Variants in DAG1 observed in about 807,000 individuals in gnomAD.
The protein encoded by DAG1 is dystroglycan 1 (dystrophin-associated glycoprotein 1).
In DAG1, 8 loss-of-function variants were observed where a neutral mutation model predicts 46.1. The observed-to-expected ratio is 0.17, with a 90% CI of 0.10 to 0.31. DAG1 has a LOEUF of 0.31. DAG1 is among the 10% of genes least tolerant of loss of function. The probability of loss-of-function intolerance (pLI) is 1.00; values close to 1 mark genes in which losing one functional copy is unlikely to be tolerated. For missense variants in DAG1, 1,003 were observed against 1,189.9 expected (o/e 0.84, Z 2.31); for synonymous variants, 495 against 481.8 (o/e 1.03, Z -0.36).
rs777833279 is a variant in DAG1, at chr3:49,535,338, C to T, written c.*2139C>T. 11 of 152,688 alleles carry T rather than the reference C, an allele frequency of 7.2e-5. No homozygotes were observed. The highest frequency in any genetic ancestry group is 1.2e-4 in the African/African-American group (5 of 41,462). 9.5% of individuals were successfully genotyped at this position (152,688 alleles called of 1,614,324 possible). A position where few individuals can be genotyped will look rare whatever the true frequency, so the allele number is the denominator to read the frequency against. ...ACCATTGGGCACTGCCATGCAGAGA[C>T]GTGGCTGGCCCAGAATGGCCTGTTG... is the stretch of plus-strand genomic sequence containing the variant. On this transcript the variant is annotated 3_prime_UTR_variant, in exon 3 of 3. Transcript: ENST00000308775.
chr3:49,497,462 A>C (rs994546084), intron 1 of DAG1, among the ~76,000 whole-genome samples: 1 of 151,380 alleles, frequency 6.6e-6, no homozygotes, highest in African/African-American at 2.4e-5. Context: ...AAAAATTAAA[A>C]AATGAGCCAG....
chr3:49,502,764 G>A (rs1472553271), intron 1 of DAG1, among the ~76,000 whole-genome samples: 2 of 150,134 alleles, frequency 1.3e-5, no homozygotes, highest in East Asian at 4.0e-4. Context: ...TCAGCCTCCC[G>A]AGTAGCTGGG....
At chr3:49,525,822 T>G (rs2051156038) in intron 2 of DAG1, among the ~76,000 whole-genome samples, 1 of 151,008 alleles carries the variant, frequency 6.6e-6, no homozygotes, top group South Asian at 2.1e-4. Context: ...CCTCCCAAAG[T>G]GCTGGGATTA....
At chr3:49,514,921 G>C in intron 2 of DAG1, among the ~76,000 whole-genome samples, 1 of 151,412 alleles carries the variant, frequency 6.6e-6, no homozygotes, top group Non-Finnish European at 1.5e-5. Flanking sequence ...ATGCAGTGGC[G>C]TGATCTCAGC....
chr3:49,502,787 C>T (rs761682161), intron 1 of DAG1, among the ~76,000 whole-genome samples: 15 of 151,812 alleles, frequency 9.9e-5, no homozygotes, highest in African/African-American at 2.2e-4. Context: ...TACAGGCGCC[C>T]GCCACCACAC....
At chr3:49,527,411 C>G (rs180950516) in intron 2 of DAG1, among the ~76,000 whole-genome samples, 25 of 151,502 alleles carry the variant, frequency 1.7e-4, no homozygotes, top group African/African-American at 5.3e-4. Flanking sequence ...GTAGTCCCAG[C>G]TACAGGAGAA....
At chr3:49,471,874 A>G (rs1375587181) in intron 1 of DAG1, among the ~76,000 whole-genome samples, 1 of 152,224 alleles carries the variant, frequency 6.6e-6, no homozygotes, top group Non-Finnish European at 1.5e-5. Flanking sequence ...ACCCATGATT[A>G]ATAGTGTCTG....
intron 2 of DAG1, among the ~76,000 whole-genome samples, chr3:49,514,329 A>C (rs1423388022): frequency 6.6e-6 from 1 of 152,192 alleles, no homozygotes; most frequent in African/African-American, 2.4e-5. Flanking sequence ...GAAAATATAG[A>C]AAGGGAAAAA....
Position 49,532,402 on chromosome 3 carries a change from A to G in DAG1, c.1891A>G (p.Lys631Glu), listed in dbSNP as rs140002759. Residue 631 changes from lysine to glutamate, a missense_variant, in exon 3 of 3, where the codon AAG (lysine) becomes GAG (glutamate). Physicochemically the swap from Lys to Glu is moderately conservative, Grantham distance 56 (BLOSUM62 1). This residue lies in a region of DAG1 where 755 missense variants were observed against 854.1 expected (regional missense o/e 0.88). Transcript: ENST00000308775. The surrounding 1 kb of genome is among the most constrained non-coding windows in gnomAD (Gnocchi z 5.4). The stretch of plus-strand genomic sequence containing the variant: ...CATCCACAAGAAGATTGCCTTGGTA[A>G]AGAAACTGGCCTTCGCCTTTGGAGA... Reference protein sequence around the residue: ...NDIHKKIALVKKLAFAFGDRN... With the variant: ...NDIHKKIALVEKLAFAFGDRN... 1 of 1,614,194 alleles carries G rather than the reference A, an allele frequency of 6.2e-7. No homozygotes were observed. Among genetic ancestry groups the G allele is most frequent in the African/African-American group, 1.3e-5 (1 of 75,060 alleles).
chr3:49,508,539 C>G (rs899704791), intron 1 of DAG1, among the ~76,000 whole-genome samples: 3 of 152,132 alleles, frequency 2.0e-5, no homozygotes, highest in Non-Finnish European at 2.9e-5. Flanking sequence ...GCTGCGACTT[C>G]AGGCGTGCAC....
intron 1 of DAG1, among the ~76,000 whole-genome samples, chr3:49,502,755 C>T (rs924506138): frequency 6.6e-6 from 1 of 151,456 alleles, no homozygotes; most frequent in South Asian, 2.1e-4. Flanking sequence ...TCTCCTGCCT[C>T]AGCCTCCCGA....
chr3:49,491,368 G>A (rs2050178361), intron 1 of DAG1, among the ~76,000 whole-genome samples: 1 of 149,890 alleles, frequency 6.7e-6, no homozygotes, highest in Admixed American at 6.7e-5. Flanking sequence ...TTGGAATGCA[G>A]TGGCGTGTTT....
At chr3:49,477,774 C>T (rs924745398) in intron 1 of DAG1, among the ~76,000 whole-genome samples, 2 of 151,742 alleles carry the variant, frequency 1.3e-5, no homozygotes, top group Non-Finnish European at 2.9e-5. Context: ...CCAGCCTGGC[C>T]AACATGGCGA....
At chr3:49,469,151 A>G (rs2049445709), upstream of DAG1, 1 of 152,244 alleles carries the variant, frequency 6.6e-6, no homozygotes, top group Non-Finnish European at 1.5e-5. Context: ...GGAGCCCCAG[A>G]GCTCTCCGGG....
In DAG1 at chr3:49,532,319, G is replaced by C. The variant is rs576210529; in HGVS notation, c.1808G>C (p.Arg603Thr). ...IHVHRRPQGD[R>T]APARFKAKFV... ...GTCCACAGGCGCCCCCAAGGGGATA[G>C]GGCTCCTGCAAGGTTCAAGGCCAAG... The change falls in exon 3 of 3, where the codon AGG becomes ACG. Residue 603 changes from arginine to threonine, a missense_variant. Physicochemically the swap from Arg to Thr is moderately conservative, Grantham distance 71. Coordinates refer to ENST00000308775, the MANE Select transcript of DAG1 (RefSeq NM_004393.6). This position sits in a 1 kb window ranked among gnomAD's most constrained non-coding sequence, Gnocchi z 5.4. 5 of 1,614,182 alleles carry C rather than the reference G, an allele frequency of 3.1e-6. No homozygotes were observed. Among genetic ancestry groups the C allele is most frequent in the Admixed American group, 3.3e-5 (2 of 60,032 alleles).
At chr3:49,507,730 A>C (rs1312358386) in intron 1 of DAG1, among the ~76,000 whole-genome samples, 1 of 148,186 alleles carries the variant, frequency 6.7e-6, no homozygotes, top group East Asian at 2.0e-4. Context: ...CAGTGGTGTG[A>C]TTATGGCTTA....
chr3:49,478,658 T>G (rs1012965227), intron 1 of DAG1, among the ~76,000 whole-genome samples: 20 of 150,992 alleles, frequency 1.3e-4, no homozygotes, highest in African/African-American at 4.1e-4. Context: ...ATTACAGATG[T>G]GAGCCACTGG....
chr3:49,523,774 A>C (rs774727821), intron 2 of DAG1, among the ~76,000 whole-genome samples: 19 of 152,112 alleles, frequency 1.2e-4, no homozygotes, highest in Admixed American at 1.2e-3. Context: ...AGGAACCATT[A>C]TTGGCAGAGT....
At chr3:49,530,774 A>G (rs1470461732) in intron 2 of DAG1, 23 bp from the exon 3 acceptor site, 1 of 1,614,148 alleles carries the variant, frequency 6.2e-7, no homozygotes, top group South Asian at 1.1e-5. Flanking sequence ...AGTATTTTTA[A>G]TTTATGCTTG....
Sources: gnomAD v4.1 joint callset for allele counts (sites outside exome capture counted in the v4.1 genomes callset) on GRCh38, gnomAD v4.1.1 for gene constraint, gnomAD v4.1.1 regional missense constraint, Gnocchi (gnomAD v3.1) non-coding constraint, MANE v1.5 for transcripts, NCBI Gene and HGNC (gene_info 2026-07-23, HGNC 2026-07-21) for gene names.